Variants in ANO6 observed in about 807,000 individuals in gnomAD.
ANO6 encodes anoctamin-6.
A neutral mutation model predicts 117.5 loss-of-function variants in ANO6; 106 were observed. The ratio of observed to expected loss-of-function variants is 0.90; its 90% confidence interval spans 0.77 to 1.06. The LOEUF (loss-of-function observed/expected upper bound fraction) is 1.06, where lower values mean the gene tolerates loss of function less well. Among genes scored for constraint, ANO6 ranks in the 50% least tolerant of loss-of-function variants. ANO6 has a pLI of 0.00. For missense variants in ANO6, 955 were observed against 1,121.1 expected (o/e 0.85, Z 2.12); for synonymous variants, 367 against 385.1 (o/e 0.95, Z 0.55).
intron 1 of ANO6, among the ~76,000 whole-genome samples, chr12:45,299,619 G>C (rs769228418): frequency 7.9e-5 from 12 of 152,092 alleles, no homozygotes; most frequent in Non-Finnish European, 1.5e-4. Context: ...TTGGGAGGCC[G>C]AGGCAGGCAG....
intron 1 of ANO6, chr12:45,292,888 T>C: frequency 6.4e-7 from 1 of 1,550,902 alleles, no homozygotes; most frequent in South Asian, 1.2e-5. Context: ...ACTCACCGAA[T>C]TGTCCATTCC....
chr12:45,225,471 CAT>C (rs1206302650), intron 1 of ANO6, among the ~76,000 whole-genome samples: 4 of 151,940 alleles, frequency 2.6e-5, no homozygotes, highest in Non-Finnish European at 5.9e-5. Flanking sequence ...TTCAACAAAA[CAT>C]ATGTTTTGGG....
chr12:45,369,788 A>G (rs1427622108), intron 9 of ANO6, among the ~76,000 whole-genome samples: 5 of 152,182 alleles, frequency 3.3e-5, no homozygotes, highest in Non-Finnish European at 7.3e-5. Context: ...AAATAGAAAT[A>G]TGAAATTAGG....
At chr12:45,296,990 G>T (rs1939316624) in intron 1 of ANO6, among the ~76,000 whole-genome samples, 1 of 151,624 alleles carries the variant, frequency 6.6e-6, no homozygotes, top group Non-Finnish European at 1.5e-5. Context: ...TTATATCTTT[G>T]CCCAACTTTG....
At chr12:45,347,189 C>T in intron 4 of ANO6, 102 bp downstream of exon 4, 1 of 1,089,350 alleles carries the variant, frequency 9.2e-7, no homozygotes, top group Admixed American at 1.8e-5. Context: ...CAGCCCTGGC[C>T]ACATCTTAGT....
chr12:45,316,809 T>A (rs1565684357), intron 2 of ANO6, among the ~76,000 whole-genome samples: 2 of 151,070 alleles, frequency 1.3e-5, no homozygotes, highest in Admixed American at 6.6e-5. Flanking sequence ...GATGTAAAAT[T>A]AAGAGCCAAA....
At chr12:45,346,577 A>C (rs1259110505) in intron 3 of ANO6, among the ~76,000 whole-genome samples, 2 of 152,184 alleles carry the variant, frequency 1.3e-5, no homozygotes, top group African/African-American at 4.8e-5. Flanking sequence ...CACATCCAGT[A>C]ATTGAACCAT....
Position 45,267,373 on chromosome 12 carries a change from T to G in ANO6, c.71-34641T>G, listed in dbSNP as rs1938253030. 2.0e-5 allele frequency among the ~76,000 whole-genome samples: 3 copies of G among 152,220 alleles called. No homozygotes were observed. In the South Asian group the frequency reaches 6.2e-4, roughly 32 times the overall value. ...AGGGCACACTCTCACACTCTCATTTTCAACTTAATCACCTCTTTAAAGACC... is the reference window on the plus strand; with the variant it reads ...AGGGCACACTCTCACACTCTCATTTGCAACTTAATCACCTCTTTAAAGACC... On this transcript the variant is annotated intron_variant, in intron 1 of 19. Coordinates refer to ENST00000320560, the MANE Select transcript of ANO6 (RefSeq NM_001025356.3).
intron 1 of ANO6, among the ~76,000 whole-genome samples, chr12:45,283,044 G>A (rs1938794755): frequency 1.3e-5 from 2 of 152,142 alleles, no homozygotes; most frequent in African/African-American, 4.8e-5. Flanking sequence ...CTATTCTATT[G>A]TGCTGTAGTG....
At chr12:45,288,790 C>G (rs1938999471) in intron 1 of ANO6, among the ~76,000 whole-genome samples, 1 of 152,126 alleles carries the variant, frequency 6.6e-6, no homozygotes, top group African/African-American at 2.4e-5. Flanking sequence ...CTCTGTCGCC[C>G]AGGCTGGAGT....
chr12:45,305,875 A>G (rs1185913368), intron 2 of ANO6, among the ~76,000 whole-genome samples: 1 of 152,114 alleles, frequency 6.6e-6, no homozygotes, highest in Non-Finnish European at 1.5e-5. Context: ...CGGGCCCATT[A>G]GACCCCAGGT....
At chr12:45,228,017 A>G (rs1947511799) in intron 1 of ANO6, among the ~76,000 whole-genome samples, 1 of 152,038 alleles carries the variant, frequency 6.6e-6, no homozygotes, top group African/African-American at 2.4e-5. Context: ...AAAAGATCCT[A>G]GGGGCTGACA....
chr12:45,280,678 A>G (rs2012937), intron 1 of ANO6, among the ~76,000 whole-genome samples: 128,891 of 152,042 alleles, frequency 0.85, 55,680 homozygotes, highest in Non-Finnish European at 0.94. Flanking sequence ...TCTCCTATCA[A>G]TCACAGAAAC....
chr12:45,286,485 G>T (rs1286518823), intron 1 of ANO6, among the ~76,000 whole-genome samples: 1 of 152,110 alleles, frequency 6.6e-6, no homozygotes, highest in Non-Finnish European at 1.5e-5. Flanking sequence ...AACAGAGAAT[G>T]CAAAAAATGG....
intron 2 of ANO6, among the ~76,000 whole-genome samples, chr12:45,323,456 TA>T (rs1363477940): frequency 5.3e-5 from 8 of 152,198 alleles, no homozygotes; most frequent in Admixed American, 5.2e-4. Flanking sequence ...TTCTGATGAT[TA>T]TGAGCTATGT....
At chr12:45,436,414 A>G (rs1177505889), downstream of ANO6, among the ~76,000 whole-genome samples, 1 of 152,114 alleles carries the variant, frequency 6.6e-6, no homozygotes, top group East Asian at 1.9e-4. Context: ...AAGGCATTTA[A>G]CCTCTCTAGG....
chr12:45,216,226 G>C lies in ANO6; in HGVS notation c.-96G>C. On this transcript the variant is annotated 5_prime_UTR_variant, in exon 1 of 20. Coordinates refer to ENST00000320560, the MANE Select transcript of ANO6 (RefSeq NM_001025356.3). The stretch of plus-strand genomic sequence containing the variant: ...CCTGAGCCCAAGCGACACACGCCCC[G>C]CGGTCCCCGATCCGGCCCCTGGGAG... 1 of 1,391,342 alleles carries C rather than the reference G, an allele frequency of 7.2e-7. No individual in the cohort carries two copies. The highest frequency in any genetic ancestry group is 9.9e-7 in the Non-Finnish European group (1 of 1,008,274). The allele number at this position is 1,391,342 out of a possible 1,614,324, so 86.2% of individuals were successfully genotyped here. A position where few individuals can be genotyped will look rare whatever the true frequency, so the allele number is the denominator to read the frequency against.
At chr12:45,372,647 A>G (rs1941879103) in intron 9 of ANO6, among the ~76,000 whole-genome samples, 1 of 151,692 alleles carries the variant, frequency 6.6e-6, no homozygotes. Context: ...AATCCTTTAC[A>G]GACAAGCAAA....
intron 1 of ANO6, among the ~76,000 whole-genome samples, chr12:45,277,227 A>G (rs1938582593): frequency 1.3e-5 from 2 of 152,204 alleles, no homozygotes; most frequent in African/African-American, 4.8e-5. Flanking sequence ...TATTATAACT[A>G]TGTAATACTT....
Sources: allele counts gnomAD v4.1 joint callset (sites outside exome capture counted in the v4.1 genomes callset), GRCh38; gene constraint gnomAD v4.1.1; transcripts MANE v1.5; gene names NCBI Gene and HGNC (gene_info 2026-07-23, HGNC 2026-07-21).